The following GUCY2F variants were observed in gnomAD, a reference collection of about 807,000 sequenced individuals.
The protein encoded by GUCY2F is guanylate cyclase 2F, retinal.
In GUCY2F, 61 loss-of-function variants were observed where a neutral mutation model predicts 73.1. The ratio of observed to expected loss-of-function variants is 0.83; its 90% CI spans 0.68 to 1.03. The LOEUF is 1.03. Among genes scored for constraint, GUCY2F ranks in the 50% least tolerant of loss-of-function variants. GUCY2F has a pLI of 0.00. For missense variants in GUCY2F, 912 were observed against 854.3 expected, an observed-to-expected ratio of 1.07 and a Z score of -0.84; for synonymous variants, 331 against 307.8, an observed-to-expected ratio of 1.08 and a Z score of -0.79.
intron 8 of GUCY2F, among the ~76,000 whole-genome samples, chrX:109,415,716 G>T (rs375767324): frequency 1.8e-5 from 2 of 112,128 alleles, no homozygotes; most frequent in African/African-American, 6.5e-5. Context: ...CTTCAATCCT[G>T]CTCAATCTTT....
At position 109,448,088 on chromosome X, in the gene GUCY2F, T is replaced by C. The variant is rs775736883; in HGVS notation, c.1550A>G (p.Asn517Ser). ...LLTLEDVTFI[N>S]PHFGSKRGSR... ...CCTTACCTTACTGCCAAAGTGGGGA[T>C]TGATAAACGTTACATCCTCCAAAGT... The change falls in exon 6 of 20, where the codon AAT becomes AGT. Residue 517 changes from asparagine to serine, a missense_variant. By Grantham distance (46) the Asn-to-Ser change is conservative. Transcript: ENST00000218006. The C allele has an allele frequency of 3.4e-5, 37 of 1,075,663 alleles. No homozygotes were observed. In the South Asian group the frequency reaches 6.2e-4, roughly 18 times the overall value. 88.6% of individuals were successfully genotyped at this position (1,075,663 alleles called of 1,213,427 possible). A position where few individuals can be genotyped will look rare whatever the true frequency, so the allele number is the denominator to read the frequency against.
At chrX:109,398,243 G>A (rs1056324574) in intron 11 of GUCY2F, among the ~76,000 whole-genome samples, 2 of 109,977 alleles carry the variant, frequency 1.8e-5, no homozygotes, top group African/African-American at 6.6e-5. Flanking sequence ...TACTTGGCAG[G>A]GAGTGTCTCA....
At chrX:109,471,127 G>T (rs59416960) in intron 2 of GUCY2F, among the ~76,000 whole-genome samples, 6,253 of 111,784 alleles carry the variant, frequency 0.056, 440 homozygotes, top group African/African-American at 0.19. Context: ...TAGCAATCAG[G>T]TACCTAATTT....
At chrX:109,445,579 G>A (rs1025650471) in intron 6 of GUCY2F, among the ~76,000 whole-genome samples, 3 of 111,876 alleles carry the variant, frequency 2.7e-5, no homozygotes, top group African/African-American at 9.8e-5. Flanking sequence ...GATCATGGTG[G>A]ATAAGCTTTT....
At chrX:109,396,421 T>G (rs1179059358) in intron 11 of GUCY2F, among the ~76,000 whole-genome samples, 1 of 111,678 alleles carries the variant, frequency 9.0e-6, no homozygotes, top group Non-Finnish European at 1.9e-5. Context: ...ATCTCTCTGC[T>G]TCCAGCCTAC....
At chrX:109,406,714 T>C (rs1280555730) in intron 9 of GUCY2F, among the ~76,000 whole-genome samples, 2 of 111,118 alleles carry the variant, frequency 1.8e-5, no homozygotes, top group African/African-American at 6.6e-5. Flanking sequence ...AATTGAATCA[T>C]GGGGGCTGGT....
chrX:109,423,710 A>T (rs1467893336), intron 8 of GUCY2F, among the ~76,000 whole-genome samples: 4 of 94,537 alleles, frequency 4.2e-5, no homozygotes, highest in African/African-American at 1.6e-4. Context: ...GGTTTTTATT[A>T]AAAAAAAAAA....
Position 109,392,937 on chromosome X carries a change from AT to A in GUCY2F, c.2542del (p.Ile848LeufsTer10). 5.0e-6 allele frequency: 6 copies of A among 1,189,630 alleles called. No individual in the cohort carries two copies. Among genetic ancestry groups the A allele is most frequent in the Non-Finnish European group, 6.8e-6 (6 of 876,585 alleles). ...LIRERTEELEIEKQKTEKLLT... is the reference protein window; with the variant it reads ...LIRERTEELEXEKQKTEKLLT... ...AAGCTTTTCCGTTTTCTGTTTTTCA[AT>A]TTCCAGCTCTTCAGTCCGCTCCCGA... On this transcript the variant is annotated frameshift_variant, in exon 13 of 20. Transcript: ENST00000218006. LOFTEE classifies it high-confidence loss of function.
chrX:109,439,307 C>T (rs1329306031), intron 7 of GUCY2F, among the ~76,000 whole-genome samples: 2 of 111,995 alleles, frequency 1.8e-5, no homozygotes, highest in African/African-American at 6.5e-5. Context: ...CCCCGGCACT[C>T]TGGGCCTGTA....
chrX:109,394,306 T>C (rs1317523553), intron 12 of GUCY2F, among the ~76,000 whole-genome samples: 1 of 112,119 alleles, frequency 8.9e-6, no homozygotes, highest in Non-Finnish European at 1.9e-5. Flanking sequence ...CAAATGCTCT[T>C]TCTCCTGCCT....
chrX:109,395,459 G>A lies in GUCY2F; in HGVS notation c.2306C>T (p.Pro769Leu), dbSNP rs1375269870. The change falls in exon 12 of 20, where the codon CCT becomes CTT. Residue 769 changes from proline (P) to leucine (L), a missense_variant. Pro to Leu is a moderately conservative substitution (Grantham distance 98, BLOSUM62 -3). Coordinates refer to ENST00000218006, the MANE Select transcript of GUCY2F (RefSeq NM_001522.3). ...EIINRLKKPP[P>L]VYRPVVPPEH... ...AGGAGGAACTACTGGTCTGTACACAGGAGGAGGCTTCTTAAGTCTGTTTAT... is the reference window on the plus strand; with the variant it reads ...AGGAGGAACTACTGGTCTGTACACAAGAGGAGGCTTCTTAAGTCTGTTTAT... The A allele has an allele frequency of 3.3e-6, 4 of 1,198,155 alleles. No homozygotes were observed. Among genetic ancestry groups the A allele is most frequent in the Non-Finnish European group, 4.5e-6 (4 of 884,662 alleles).
chrX:109,423,961 T>G (rs1931427360), intron 8 of GUCY2F, among the ~76,000 whole-genome samples: 1 of 111,388 alleles, frequency 9.0e-6, no homozygotes, highest in African/African-American at 3.3e-5. Context: ...AAAGTTGATA[T>G]TTGGAAAAGA....
At chrX:109,399,344 C>T (rs910155777) in intron 10 of GUCY2F, among the ~76,000 whole-genome samples, 1 of 112,258 alleles carries the variant, frequency 8.9e-6, no homozygotes, top group Non-Finnish European at 1.9e-5. Context: ...ATATGCACCC[C>T]TAACTGCAAT....
rs753441202 is a variant in GUCY2F at position 109,475,201 on chromosome X, A to G, written c.730+6T>C. On this transcript the variant is annotated splice_donor_region_variant and intron_variant, in intron 2 of 19. Coordinates refer to ENST00000218006, the MANE Select transcript of GUCY2F (RefSeq NM_001522.3). ...CGTTTAAATTTCAGCGGGAGAAAGC[A>G]CTCACTGCGAATTCTGTCTGCCTGG... 2.5e-6 allele frequency: 3 copies of G among 1,193,010 alleles called. No homozygotes were observed. The highest frequency in any genetic ancestry group is 3.4e-6 in the Non-Finnish European group (3 of 884,912).
intron 8 of GUCY2F, among the ~76,000 whole-genome samples, chrX:109,424,029 G>T (rs978134174): frequency 3.6e-5 from 4 of 111,933 alleles, no homozygotes; most frequent in Non-Finnish European, 7.5e-5. Context: ...TAAATTATCA[G>T]TATCAGGAAT....
intron 11 of GUCY2F, among the ~76,000 whole-genome samples, chrX:109,395,699 C>G (rs191906533): frequency 3.6e-4 from 40 of 111,930 alleles, no homozygotes; most frequent in Non-Finnish European, 7.0e-4. Context: ...AGAAATTAAT[C>G]AGTTGGACTC....
chrX:109,400,146 G>A (rs1426365788), intron 10 of GUCY2F, among the ~76,000 whole-genome samples: 1 of 109,096 alleles, frequency 9.2e-6, no homozygotes. Flanking sequence ...AAGGAGAGAG[G>A]CTGGAATCAG....
chrX:109,395,539 C>T, intron 11 of GUCY2F, 50 bp from the exon 12 acceptor site: 1 of 1,070,833 alleles, frequency 9.3e-7, no homozygotes, highest in Non-Finnish European at 1.3e-6. Flanking sequence ...AAAAAATGAC[C>T]AAGATTTGGC....
At chrX:109,413,596 G>C (rs1313366032) in intron 8 of GUCY2F, among the ~76,000 whole-genome samples, 1 of 110,907 alleles carries the variant, frequency 9.0e-6, no homozygotes, top group Non-Finnish European at 1.9e-5. Flanking sequence ...GGTAGAGACA[G>C]GGTTTCACCA....
Sources: allele counts gnomAD v4.1 joint callset (sites outside exome capture counted in the v4.1 genomes callset), GRCh38; gene constraint gnomAD v4.1.1; transcripts MANE v1.5; gene names NCBI Gene and HGNC (gene_info 2026-07-23, HGNC 2026-07-21).